The following KIF27 variants were observed in gnomAD, a reference collection of about 807,000 sequenced individuals.
KIF27 encodes the protein kinesin family member 27, also known as kinesin-like protein KIF27.
Under a neutral mutation model 141.8 loss-of-function variants are expected in KIF27, and 84 were observed. The observed-to-expected ratio is 0.59, with a 90% CI of 0.50 to 0.71. The LOEUF is 0.71. Among genes scored for constraint, KIF27 ranks in the 30% least tolerant of loss-of-function variants. KIF27 has a pLI of 0.00. For missense variants in KIF27, 1,306 were observed against 1,628.4 expected, an observed-to-expected ratio of 0.80 and a Z score of 3.41; for synonymous variants, 471 against 569.5, an observed-to-expected ratio of 0.83 and a Z score of 2.46.
At chr9:83,855,891 G>T (rs780635978) in intron 14 of KIF27, among the ~76,000 whole-genome samples, 87 of 152,340 alleles carry the variant, frequency 5.7e-4, no homozygotes, top group Middle Eastern at 6.8e-3. Flanking sequence ...TCTAAGTTAA[G>T]GAAGTACTGA....
rs1955257556 is a variant in KIF27, at chr9:83,912,380, G to T, written c.298+2914C>A. ...TAAGAGGCAAGACTGCCATCATGTGGCAAGTAAAGTTAAGTTGTGGGTTTT... is the reference window on the plus strand; with the variant it reads ...TAAGAGGCAAGACTGCCATCATGTGTCAAGTAAAGTTAAGTTGTGGGTTTT... On this transcript the variant is annotated intron_variant, in intron 2 of 17. Transcript: ENST00000297814. 2.0e-5 allele frequency among the ~76,000 whole-genome samples: 3 copies of T among 152,186 alleles called. No individual in the cohort carries two copies. The South Asian group carries it at 6.2e-4, about 31-fold the overall frequency.
Position 83,903,625 on chromosome 9 carries a change from A to G in KIF27, c.893T>C (p.Ile298Thr), listed in dbSNP as rs747204801. 6.2e-7 allele frequency: 1 copy of G among 1,614,132 alleles called. No individual in the cohort carries two copies. The highest frequency in any genetic ancestry group is 2.2e-5 in the East Asian group (1 of 44,882). The change falls in exon 4 of 18, where the codon ATT (isoleucine) becomes ACT (threonine). Residue 298 changes from isoleucine (I) to threonine (T), a missense_variant. Physicochemically the swap from Ile to Thr is moderately conservative, Grantham distance 89. Around this residue, in one of 4 missense-constraint regions of KIF27, gnomAD observed 533 missense variants for 565.6 expected, o/e 0.94. Coordinates refer to ENST00000297814, the MANE Select transcript of KIF27 (RefSeq NM_017576.4). ...SSHIPYRDAK[I>T]TRLLKDSLGG... Reference sequence around the variant, plus strand: ...CAGAGAATCTTTCAGAAGCCGGGTAATTTTAGCATCCCTATATGGAATATG... The same window carrying G: ...CAGAGAATCTTTCAGAAGCCGGGTAGTTTTAGCATCCCTATATGGAATATG...
At chr9:83,882,823 C>T (rs1951792489) in intron 10 of KIF27, among the ~76,000 whole-genome samples, 1 of 152,152 alleles carries the variant, frequency 6.6e-6, no homozygotes. Flanking sequence ...TAGATAACCA[C>T]CCTATGTCCT....
At chr9:83,865,447 C>A (rs1478466580) in intron 13 of KIF27, among the ~76,000 whole-genome samples, 1 of 152,088 alleles carries the variant, frequency 6.6e-6, no homozygotes, top group African/African-American at 2.4e-5. Flanking sequence ...CAGGTGCCCA[C>A]AACCACGCCT....
intron 15 of KIF27, among the ~76,000 whole-genome samples, chr9:83,851,357 G>C (rs1405529026): frequency 6.6e-6 from 1 of 152,042 alleles, no homozygotes. Context: ...TGTTGTTGTT[G>C]TTGTTATTGT....
Position 83,867,708 on chromosome 9 carries a change from T to A in KIF27, c.2910A>T (p.Glu970Asp), listed in dbSNP as rs529234359. 177 of 1,601,848 alleles carry A rather than the reference T, an allele frequency of 1.1e-4. No individual in the cohort carries two copies. The highest frequency in any genetic ancestry group is 5.2e-5 in the Non-Finnish European group (61 of 1,176,952). Residue 970 changes from glutamate (E) to aspartate (D), a missense_variant, in exon 13 of 18, where the codon GAA becomes GAT. Transcript: ENST00000297814. ...CCTGACTAGATCTCAATTTCTTATTTTCCAGGTGACTCTTCTCCTGTAACA... is the reference window on the plus strand; with the variant it reads ...CCTGACTAGATCTCAATTTCTTATTATCCAGGTGACTCTTCTCCTGTAACA... ...EALLQEKSHLENKKLRSSQAL... is the reference protein window; with the variant it reads ...EALLQEKSHLDNKKLRSSQAL...
At position 83,903,669 on chromosome 9, in the gene KIF27, G is replaced by A. The variant is rs140475602; in HGVS notation, c.849C>T (p.Asp283=). 5.4e-4 allele frequency: 867 copies of A among 1,613,914 alleles called. 1 individual carries two copies. The highest frequency in any genetic ancestry group is 6.5e-4 in the Non-Finnish European group (764 of 1,179,996). The change falls in exon 4 of 18, where the codon GAC becomes GAT. Residue 283 remains aspartate (D), a synonymous_variant. Coordinates refer to ENST00000297814, the MANE Select transcript of KIF27 (RefSeq NM_017576.4). ...GAATATGTGAACTCTTCCTGCGTGG[G>A]TCCCCAAGAGCGCTTATTACATTTC... ...ALGNVISALG[D]PRRKSSHIPY...
Position 83,908,477 on chromosome 9 carries a change from G to A in KIF27, c.474C>T (p.Ile158=), listed in dbSNP as rs369129435. ...CTGTGTTTCCTTTTTCATCTTCTCG[G>A]ATGTGAAGATCCTTCATGGATGTCT... ...ELETSMKDLH[I]REDEKGNTVI... The change falls in exon 3 of 18, where the codon ATC becomes ATT. Residue 158 remains isoleucine (I), a synonymous_variant. Coordinates refer to ENST00000297814, the MANE Select transcript of KIF27 (RefSeq NM_017576.4). The A allele has an allele frequency of 1.7e-5, 27 of 1,609,632 alleles. 1 individual carries two copies. Among genetic ancestry groups the A allele is most frequent in the Admixed American group, 1.3e-4 (8 of 59,764 alleles).
intron 2 of KIF27, among the ~76,000 whole-genome samples, chr9:83,912,601 C>T (rs1422765895): frequency 6.6e-6 from 1 of 152,114 alleles, no homozygotes; most frequent in Non-Finnish European, 1.5e-5. Context: ...TATCAAAAAG[C>T]TTAATTTCAA....
chr9:83,895,067 C>T (rs1953051783), intron 5 of KIF27, among the ~76,000 whole-genome samples: 1 of 147,242 alleles, frequency 6.8e-6, no homozygotes, highest in Admixed American at 6.9e-5. Flanking sequence ...CTGGCTAACA[C>T]AGTGAAACCC....
chr9:83,918,352 G>A (rs1334258778), intron 1 of KIF27, among the ~76,000 whole-genome samples: 5 of 146,012 alleles, frequency 3.4e-5, no homozygotes, highest in African/African-American at 7.6e-5. Flanking sequence ...GGAGGGAGAG[G>A]AGGGAGGGAG....
chr9:83,899,583 T>C, intron 5 of KIF27, 78 bp downstream of exon 5: 1 of 997,064 alleles, frequency 1.0e-6, no homozygotes, highest in East Asian at 2.5e-5. Context: ...AGTTCCCATT[T>C]ATCATTTAAA....
chr9:83,903,288 A>ACCCCCCC lies in KIF27; in HGVS notation c.1229_1230insGGGGGGG (p.Tyr411GlyfsTer16), dbSNP rs1292925107. ...AGGCTTCTTCTACACAACACTGGTAACCCAGACATTCTCCTTGAAGCTGAG... is the reference window on the plus strand; with the variant it reads ...AGGCTTCTTCTACACAACACTGGTAACCCCCCCCCCAGACATTCTCCTTGAAGCTGAG... On this transcript the variant is annotated frameshift_variant, in exon 4 of 18. Coordinates refer to ENST00000297814, the MANE Select transcript of KIF27 (RefSeq NM_017576.4). LOFTEE classifies it high-confidence loss of function. 6.2e-7 allele frequency: 1 copy of ACCCCCCC among 1,614,204 alleles called. No individual in the cohort carries two copies. Among genetic ancestry groups the ACCCCCCC allele is most frequent in the Non-Finnish European group, 8.5e-7 (1 of 1,180,032 alleles).
Position 83,888,526 on chromosome 9 carries a change from A to C in KIF27, c.2046T>G (p.Thr682=). ...SVCSLVELSD[T]QDETQKSDLE... ...AATCTGACTTTTGTGTTTCATCCTGAGTATCACTCAATTCAACAAGGGAAC... is the reference window on the plus strand; with the variant it reads ...AATCTGACTTTTGTGTTTCATCCTGCGTATCACTCAATTCAACAAGGGAAC... Residue 682 remains threonine, a synonymous_variant, in exon 8 of 18, where the codon ACT becomes ACG. Transcript: ENST00000297814. 6.3e-7 allele frequency: 1 copy of C among 1,598,472 alleles called. No homozygotes were observed. Among genetic ancestry groups the C allele is most frequent in the Non-Finnish European group, 8.5e-7 (1 of 1,170,898 alleles).
Position 83,880,377 on chromosome 9 carries a change from G to A in KIF27, c.2563C>T (p.Leu855=), listed in dbSNP as rs780935448. The change falls in exon 11 of 18, where the codon CTA becomes TTA. Residue 855 remains leucine, a synonymous_variant. Transcript: ENST00000297814. The stretch of plus-strand genomic sequence containing the variant: ...TTTTCTTCTCGTAGTTTTCTTTGTA[G>A]CTGTATCTTTTGATATTTCATGTGA... ...VDHMKYQKIQ[L]QRKLREENEK... 22 of 1,565,208 alleles carry A rather than the reference G, an allele frequency of 1.4e-5. No individual in the cohort carries two copies. The highest frequency in any genetic ancestry group is 1.9e-5 in the Non-Finnish European group (22 of 1,153,588).
In KIF27 at chr9:83,903,301, C is replaced by T. The variant is rs1306564074; in HGVS notation, c.1217G>A (p.Gly406Glu). 2 of 1,614,222 alleles carry T rather than the reference C, an allele frequency of 1.2e-6. No individual in the cohort carries two copies. The highest frequency in any genetic ancestry group is 2.2e-5 in the East Asian group (1 of 44,886). ...ACAACACTGGTAACCCAGACATTCT[C>T]CTTGAAGCTGAGCTACTTGCTCCTC... ...SLEEQVAQLQ[G>E]ECLGYQCCVE... Residue 406 changes from glycine to glutamate, a missense_variant, in exon 4 of 18, where the codon GGA becomes GAA. By Grantham distance (98) the Gly-to-Glu change is moderately conservative. Around this residue, in one of 4 missense-constraint regions of KIF27, gnomAD observed 533 missense variants for 565.6 expected, o/e 0.94. Coordinates refer to ENST00000297814, the MANE Select transcript of KIF27 (RefSeq NM_017576.4).
rs1192576229 is a variant in KIF27 at position 83,836,828 on chromosome 9, C to T, written c.*173G>A. 8 of 1,015,988 alleles carry T rather than the reference C, an allele frequency of 7.9e-6. No individual in the cohort carries two copies. Among genetic ancestry groups the T allele is most frequent in the Non-Finnish European group, 9.6e-6 (7 of 732,896 alleles). 62.9% of individuals were successfully genotyped at this position (1,015,988 alleles called of 1,614,324 possible). A position where few individuals can be genotyped will look rare whatever the true frequency, so the allele number is the denominator to read the frequency against. On this transcript the variant is annotated 3_prime_UTR_variant, in exon 18 of 18. Coordinates refer to ENST00000297814, the MANE Select transcript of KIF27 (RefSeq NM_017576.4). ...CTATGGGAATATAAACTAAAACTCC[C>T]CAAATATATATAGAAGATGTACACA...
At chr9:83,842,596 G>A (rs1040594828) in intron 16 of KIF27, among the ~76,000 whole-genome samples, 195 bp from the exon 17 acceptor site, 1 of 152,124 alleles carries the variant, frequency 6.6e-6, no homozygotes, top group East Asian at 1.9e-4. Context: ...CTCCCAAGCA[G>A]CTGGGACTAC....
rs966309051 is a variant in KIF27 at position 83,836,090 on chromosome 9, G to A, written c.*911C>T. Among the ~76,000 whole-genome samples the A allele has an allele frequency of 1.3e-4, 20 of 152,136 alleles. No homozygotes were observed. Among genetic ancestry groups the A allele is most frequent in the African/African-American group, 3.1e-4 (13 of 41,508 alleles). On this transcript the variant is annotated 3_prime_UTR_variant, in exon 18 of 18. Transcript: ENST00000297814. ...TTTACAGCCCCAGTGTAGTTTGGCC[G>A]GTGTGCAAAGCCTGACTAAGGAGGT...
Sources: allele counts gnomAD v4.1 joint callset (sites outside exome capture counted in the v4.1 genomes callset), GRCh38; gene constraint gnomAD v4.1.1; regional missense constraint gnomAD v4.1.1; transcripts MANE v1.5; gene names NCBI Gene and HGNC (gene_info 2026-07-23, HGNC 2026-07-21).